The following AVL9 variants were observed in gnomAD, a reference collection of about 807,000 sequenced individuals.
AVL9 encodes AVL9 cell migration associated, also known as late secretory pathway protein AVL9 homolog.
AVL9 carries 49 observed loss-of-function variants against 79.2 expected under a neutral mutation model. The observed-to-expected ratio is 0.62, with a 90% CI of 0.49 to 0.79. AVL9 has a LOEUF of 0.79. AVL9 is among the 30% of genes least tolerant of loss of function. AVL9 has a pLI of 0.00. For missense variants in AVL9, 682 were observed against 776.8 expected (o/e 0.88, Z 1.45); for synonymous variants, 299 against 280.6 (o/e 1.07, Z -0.65).
At position 32,520,483 on chromosome 7, in the gene AVL9, C is replaced by G. The variant is rs553655519; in HGVS notation, c.94-22658C>G. ...GGTTATTCCTGAGATAACAACCAGC[C>G]TAGTAGACTAGATAAATGCCACTGT... On this transcript the variant is annotated intron_variant, in intron 1 of 15. Transcript: ENST00000318709. 1.4e-3 allele frequency among the ~76,000 whole-genome samples: 209 copies of G among 152,276 alleles called. 2 individuals carry two copies. The highest frequency in any genetic ancestry group is 2.5e-4 in the Non-Finnish European group (17 of 68,036).
chr7:32,511,104 A>G (rs1207449602), intron 1 of AVL9, among the ~76,000 whole-genome samples: 483 of 69,116 alleles, frequency 7.0e-3, no homozygotes, highest in Middle Eastern at 0.039. Flanking sequence ...TATGAGGGAA[A>G]CCATCTCCCC....
intron 13 of AVL9, among the ~76,000 whole-genome samples, chr7:32,576,560 G>C (rs1391426835): frequency 6.6e-6 from 1 of 152,140 alleles, no homozygotes; most frequent in Non-Finnish European, 1.5e-5. Context: ...GAGGTGGGCA[G>C]ATCACCTGAG....
In AVL9 at chr7:32,579,440, TATATA is replaced by T. The variant is rs1292628570; in HGVS notation, c.1689-773_1689-769del. On this transcript the variant is annotated intron_variant, in intron 13 of 15. Coordinates refer to ENST00000318709, the MANE Select transcript of AVL9 (RefSeq NM_015060.3). ...TGTTATATATATAATATATATATTATATATAATATATTATATATTATATATAATAT... is the reference window on the plus strand; with the variant it reads ...TGTTATATATATAATATATATATTATATATATTATATATTATATATAATAT... Among the ~76,000 whole-genome samples, 44 of 8,554 alleles carry T rather than the reference TATATA, an allele frequency of 5.1e-3. 14 individuals are homozygous for T. The highest frequency in any genetic ancestry group is 0.019 in the African/African-American group (36 of 1,850). The allele number at this position is 8,554 out of a possible 152,430, so 5.6% of individuals were successfully genotyped here.
At chr7:32,576,755 C>T (rs542833074) in intron 13 of AVL9, among the ~76,000 whole-genome samples, 1 of 152,066 alleles carries the variant, frequency 6.6e-6, no homozygotes, top group South Asian at 2.1e-4. Context: ...CATTACACTG[C>T]AGCCTGGGTA....
In AVL9 at chr7:32,580,800, A is replaced by C. The variant is rs1194721298; in HGVS notation, c.1743-2A>C. 1.2e-6 allele frequency: 2 copies of C among 1,610,782 alleles called. No individual in the cohort carries two copies. The highest frequency in any genetic ancestry group is 1.7e-6 in the Non-Finnish European group (2 of 1,177,450). Reference sequence around the variant, plus strand: ...ACTTCTTTTATCTTATCTTTTACCCAGTTCTGTTCAGAATAGTGAACGTGG... The same window carrying C: ...ACTTCTTTTATCTTATCTTTTACCCCGTTCTGTTCAGAATAGTGAACGTGG... On this transcript the variant is annotated splice_acceptor_variant, in intron 14 of 15. Coordinates refer to ENST00000318709, the MANE Select transcript of AVL9 (RefSeq NM_015060.3). LOFTEE classifies it high-confidence loss of function.
chr7:32,560,418 G>C (rs968556883), intron 10 of AVL9, among the ~76,000 whole-genome samples: 1 of 151,924 alleles, frequency 6.6e-6, no homozygotes, highest in Non-Finnish European at 1.5e-5. Flanking sequence ...TTCTTCACTA[G>C]GAGCAGACTC....
At chr7:32,539,899 T>C (rs998209287) in intron 1 of AVL9, among the ~76,000 whole-genome samples, 1 of 152,234 alleles carries the variant, frequency 6.6e-6, no homozygotes, top group Non-Finnish European at 1.5e-5. Flanking sequence ...CATCTTCAAA[T>C]ATCTTTTTCA....
chr7:32,568,603 G>A (rs897531787), intron 10 of AVL9, among the ~76,000 whole-genome samples: 3 of 152,054 alleles, frequency 2.0e-5, no homozygotes, highest in East Asian at 1.9e-4. Flanking sequence ...GTTTGGATTC[G>A]AGTTTTTTGG....
At chr7:32,550,644 A>G (rs1210221085) in intron 4 of AVL9, among the ~76,000 whole-genome samples, 1 of 152,210 alleles carries the variant, frequency 6.6e-6, no homozygotes, top group Non-Finnish European at 1.5e-5. Context: ...GAAAACATCT[A>G]GAAAAGAACA....
At chr7:32,524,112 G>C in intron 1 of AVL9, among the ~76,000 whole-genome samples, 1 of 151,204 alleles carries the variant, frequency 6.6e-6, no homozygotes, top group East Asian at 2.0e-4. Flanking sequence ...GCCTCCCAAA[G>C]TGCTGGGATT....
Position 32,495,766 on chromosome 7 carries a change from CGTG to C in AVL9, c.63_65del (p.Val22del), listed in dbSNP as rs1354400367. The stretch of plus-strand genomic sequence containing the variant: ...TCCCCCGGGGGCCCGTACTGCACAT[CGTG>C]GTGGTCGGATTTCACCACAAGAAGG... On this transcript the variant is annotated inframe_deletion, in exon 1 of 16. Coordinates refer to ENST00000318709, the MANE Select transcript of AVL9 (RefSeq NM_015060.3). The C allele has an allele frequency of 7.9e-7, 1 of 1,260,030 alleles. No homozygotes were observed. Among genetic ancestry groups the C allele is most frequent in the South Asian group, 3.4e-5 (1 of 29,760 alleles). The allele number at this position is 1,260,030 out of a possible 1,614,324, so 78.1% of individuals were successfully genotyped here.
At chr7:32,526,884 C>G (rs1243537571) in intron 1 of AVL9, among the ~76,000 whole-genome samples, 2 of 152,116 alleles carry the variant, frequency 1.3e-5, no homozygotes, top group Non-Finnish European at 2.9e-5. Flanking sequence ...GGTTACCACA[C>G]AGGAAAAAGA....
At chr7:32,502,661 A>G (rs1218449258) in intron 1 of AVL9, among the ~76,000 whole-genome samples, 1 of 152,208 alleles carries the variant, frequency 6.6e-6, no homozygotes, top group Non-Finnish European at 1.5e-5. Context: ...TCATAAGTAT[A>G]GAGACTTCAT....
intron 1 of AVL9, among the ~76,000 whole-genome samples, chr7:32,519,418 A>T (rs1361358070): frequency 2.1e-5 from 3 of 144,330 alleles, no homozygotes; most frequent in Non-Finnish European, 4.6e-5. Flanking sequence ...ACAGAGCGAG[A>T]CTCTGTCCCA....
At chr7:32,548,144 C>CTCTCTTTTTTT (rs1227025763) in intron 3 of AVL9, among the ~76,000 whole-genome samples, 4 of 57,596 alleles carry the variant, frequency 6.9e-5, no homozygotes, top group African/African-American at 2.2e-4. Context: ...TTTGTCATCT[C>CTCTCTTTTTTT]TTTTTTCTTT....
intron 1 of AVL9, among the ~76,000 whole-genome samples, chr7:32,540,483 A>G (rs1401374466): frequency 6.6e-6 from 1 of 152,222 alleles, no homozygotes; most frequent in East Asian, 1.9e-4. Context: ...AAATTCTTTC[A>G]TTAAAATTTG....
Position 32,544,706 on chromosome 7 carries a change from T to C in AVL9, c.227T>C (p.Phe76Ser), listed in dbSNP as rs2128134972. The change falls in exon 3 of 16, where the codon TTT (phenylalanine) becomes TCT (serine). Residue 76 changes from phenylalanine to serine, a missense_variant. Transcript: ENST00000318709. ...ATGTATCTCTTAGATACTGTGTTTT[T>C]TCACTTGCCACCCAGAAATGGAAAT... ...AHNYQEDTVFFHLPPRNGNGA... is the reference protein window; with the variant it reads ...AHNYQEDTVFSHLPPRNGNGA... The C allele has an allele frequency of 6.2e-7, 1 of 1,613,618 alleles. No homozygotes were observed. Among genetic ancestry groups the C allele is most frequent in the East Asian group, 2.2e-5 (1 of 44,812 alleles).
intron 3 of AVL9, among the ~76,000 whole-genome samples, chr7:32,545,364 C>CTTTTTTTTTTTTTTTTTTTTT (rs10610945): frequency 1.4e-5 from 1 of 73,352 alleles, no homozygotes; most frequent in African/African-American, 5.5e-5. Context: ...TCTAAGATTT[C>CTTTTTTTTTTTTTTTTTTTTT]TTTTTTTTTT....
intron 1 of AVL9, among the ~76,000 whole-genome samples, chr7:32,519,747 G>C (rs190146199): frequency 2.0e-5 from 3 of 152,248 alleles, no homozygotes; most frequent in African/African-American, 7.2e-5. Flanking sequence ...TACTGTATTA[G>C]TTCATTCTTA....
Sources: gnomAD v4.1 joint callset for allele counts (sites outside exome capture counted in the v4.1 genomes callset) on GRCh38, gnomAD v4.1.1 for gene constraint, MANE v1.5 for transcripts, NCBI Gene and HGNC (gene_info 2026-07-23, HGNC 2026-07-21) for gene names.